The following MEOX2 variants were observed in gnomAD, a reference collection of about 807,000 sequenced individuals.
The protein encoded by MEOX2 is mesenchyme homeobox 2.
MEOX2 carries 11 observed loss-of-function variants against 27.0 expected under a neutral mutation model. The observed-to-expected ratio is 0.41, with a 90% CI of 0.26 to 0.68. The LOEUF is 0.68. Ranked by LOEUF, MEOX2 falls within the 30% of genes least tolerant of loss-of-function variation. The probability of loss-of-function intolerance (pLI) is 0.33; values close to 1 mark genes in which losing one functional copy is unlikely to be tolerated. For missense variants in MEOX2, 436 were observed against 385.4 expected, an observed-to-expected ratio of 1.13 and a Z score of -1.10; for synonymous variants, 189 against 155.4, an observed-to-expected ratio of 1.22 and a Z score of -1.61.
At chr7:15,676,939 G>T (rs1346242912) in intron 1 of MEOX2, among the ~76,000 whole-genome samples, 2 of 152,028 alleles carry the variant, frequency 1.3e-5, no homozygotes, top group African/African-American at 2.4e-5. Flanking sequence ...CAATGGAGAA[G>T]TAGCAGGAGA....
chr7:15,678,147 T>C (rs1030909603), intron 1 of MEOX2, among the ~76,000 whole-genome samples: 77 of 152,284 alleles, frequency 5.1e-4, no homozygotes, highest in African/African-American at 1.7e-3. Flanking sequence ...TTCTGTCTAG[T>C]TTAATGCATC....
chr7:15,677,458 C>A (rs901464162), intron 1 of MEOX2: 1 of 152,198 alleles, frequency 6.6e-6, no homozygotes, highest in East Asian at 1.9e-4. Flanking sequence ...TCGGTTGACT[C>A]TTAGGGTTGC....
At chr7:15,660,374 T>G (rs1188653861) in intron 1 of MEOX2, among the ~76,000 whole-genome samples, 3 of 152,150 alleles carry the variant, frequency 2.0e-5, no homozygotes, top group Non-Finnish European at 4.4e-5. Context: ...TAGATGAGTA[T>G]GCCTGAAGAA....
intron 1 of MEOX2, among the ~76,000 whole-genome samples, chr7:15,673,773 T>G (rs373173277): frequency 6.6e-6 from 1 of 152,244 alleles, no homozygotes; most frequent in South Asian, 2.1e-4. Context: ...AGGCATAACA[T>G]GTCACTGGGG....
chr7:15,665,294 A>C (rs551617792), intron 1 of MEOX2, among the ~76,000 whole-genome samples: 3 of 152,170 alleles, frequency 2.0e-5, no homozygotes, highest in Non-Finnish European at 4.4e-5. Flanking sequence ...AGTATGAAAA[A>C]AAAGCACCTT....
In MEOX2 at chr7:15,613,408, A is replaced by C. The variant is rs185014144; in HGVS notation, c.691-797T>G. Among the ~76,000 whole-genome samples the C allele has an allele frequency of 1.3e-3, 200 of 151,050 alleles. 1 individual carries two copies. Among genetic ancestry groups the C allele is most frequent in the African/African-American group, 4.5e-3 (186 of 41,356 alleles). Reference sequence around the variant, plus strand: ...ATGTATTAAAAACAAAAAAAACAGCAAACAGACATTAAAGGTCTATACATT... The same window carrying C: ...ATGTATTAAAAACAAAAAAAACAGCCAACAGACATTAAAGGTCTATACATT... On this transcript the variant is annotated intron_variant, in intron 2 of 2. Coordinates refer to ENST00000262041, the MANE Select transcript of MEOX2 (RefSeq NM_005924.5).
At chr7:15,630,512 C>T (rs577773992) in intron 1 of MEOX2, among the ~76,000 whole-genome samples, 2 of 152,078 alleles carry the variant, frequency 1.3e-5, no homozygotes, top group African/African-American at 4.8e-5. Context: ...AAATGAAGAA[C>T]ATAATTTACC....
chr7:15,635,838 T>G (rs1781471734), intron 1 of MEOX2, among the ~76,000 whole-genome samples: 2 of 152,042 alleles, frequency 1.3e-5, no homozygotes, highest in African/African-American at 4.8e-5. Context: ...AAGCTGAAAG[T>G]TTAATTACAA....
At chr7:15,629,821 C>T (rs969941217) in intron 1 of MEOX2, among the ~76,000 whole-genome samples, 7 of 152,136 alleles carry the variant, frequency 4.6e-5, no homozygotes, top group Admixed American at 1.3e-4. Context: ...GACCCTAAGG[C>T]CTCTACTGCC....
intron 1 of MEOX2, among the ~76,000 whole-genome samples, chr7:15,633,741 T>C (rs549929612): frequency 4.7e-4 from 72 of 152,026 alleles, no homozygotes; most frequent in Non-Finnish European, 8.7e-4. Context: ...TATTGAACTT[T>C]TCATTTATTT....
intron 2 of MEOX2, among the ~76,000 whole-genome samples, chr7:15,612,842 C>T (rs751069033): frequency 3.3e-5 from 5 of 152,150 alleles, no homozygotes; most frequent in South Asian, 2.1e-4. Context: ...TTGTATTTTA[C>T]AGCATACAAT....
intron 2 of MEOX2, among the ~76,000 whole-genome samples, chr7:15,622,745 T>C (rs1781239849): frequency 6.6e-6 from 1 of 152,196 alleles, no homozygotes; most frequent in East Asian, 1.9e-4. Flanking sequence ...ATAGCCATGC[T>C]ATGGTCTAAA....
chr7:15,650,664 A>G (rs1781719985), intron 1 of MEOX2, among the ~76,000 whole-genome samples: 1 of 152,124 alleles, frequency 6.6e-6, no homozygotes, highest in Non-Finnish European at 1.5e-5. Context: ...ATCATTGTAT[A>G]CAGGAGAGAG....
intron 1 of MEOX2, chr7:15,681,060 TA>T (rs1164041576): frequency 2.6e-5 from 4 of 151,698 alleles, no homozygotes; most frequent in Non-Finnish European, 5.9e-5. Flanking sequence ...TTGGGTGAGA[TA>T]AATAATCCAC....
At chr7:15,617,707 C>A (rs906938749) in intron 2 of MEOX2, among the ~76,000 whole-genome samples, 1 of 151,964 alleles carries the variant, frequency 6.6e-6, no homozygotes, top group African/African-American at 2.4e-5. Flanking sequence ...TACTTCATAA[C>A]TGAAGGCTTA....
At chr7:15,635,636 G>A (rs1781469129) in intron 1 of MEOX2, among the ~76,000 whole-genome samples, 1 of 151,930 alleles carries the variant, frequency 6.6e-6, no homozygotes, top group African/African-American at 2.4e-5. Context: ...TGAAAATTAT[G>A]CATTTGATAA....
At chr7:15,642,295 T>C (rs966834949) in intron 1 of MEOX2, among the ~76,000 whole-genome samples, 4 of 152,178 alleles carry the variant, frequency 2.6e-5, no homozygotes, top group Admixed American at 6.5e-5. Context: ...TTTCTGGAAG[T>C]CTTTGTTCAT....
chr7:15,662,111 G>T (rs1351541252), intron 1 of MEOX2, among the ~76,000 whole-genome samples: 1 of 123,250 alleles, frequency 8.1e-6, no homozygotes, highest in Non-Finnish European at 1.6e-5. Flanking sequence ...CTCTTTACTG[G>T]TGTTGACTAG....
intron 2 of MEOX2, among the ~76,000 whole-genome samples, chr7:15,619,095 A>G (rs1252050405): frequency 6.6e-6 from 1 of 152,042 alleles, no homozygotes; most frequent in Non-Finnish European, 1.5e-5. Context: ...TGGGTTTATT[A>G]TTGTATAGAT....
Sources: gnomAD v4.1 joint callset for allele counts (sites outside exome capture counted in the v4.1 genomes callset) on GRCh38, gnomAD v4.1.1 for gene constraint, MANE v1.5 for transcripts, NCBI Gene and HGNC (gene_info 2026-07-23, HGNC 2026-07-21) for gene names.